ITPKC: variants seen among roughly 807,000 people sequenced by gnomAD.
ITPKC encodes IP3 3-kinase C.
In ITPKC, 33 loss-of-function variants were observed where a neutral mutation model predicts 67.1. The ratio of observed to expected loss-of-function variants is 0.49; its 90% CI spans 0.37 to 0.66. ITPKC has a LOEUF of 0.66. Ranked by LOEUF, ITPKC falls within the 30% of genes least tolerant of loss-of-function variation. The probability of loss-of-function intolerance (pLI) is 0.00; values close to 1 mark genes in which losing one functional copy is unlikely to be tolerated. For missense variants in ITPKC, 820 were observed against 892.1 expected, an observed-to-expected ratio of 0.92 and a Z score of 1.03; for synonymous variants, 341 against 359.8, an observed-to-expected ratio of 0.95 and a Z score of 0.59.
Position 40,725,328 on chromosome 19 carries a change from T to G in ITPKC, c.1156-12T>G. 1 of 1,596,374 alleles carries G rather than the reference T, an allele frequency of 6.3e-7. No individual in the cohort carries two copies. Among genetic ancestry groups the G allele is most frequent in the East Asian group, 2.2e-5 (1 of 44,768 alleles). ...CCTTGGCCCTGACCCCACCCTGCTCTGCTCCCTACAGAGCAAACCCTGGAA... is the reference window on the plus strand; with the variant it reads ...CCTTGGCCCTGACCCCACCCTGCTCGGCTCCCTACAGAGCAAACCCTGGAA... On this transcript the variant is annotated splice_polypyrimidine_tract_variant and intron_variant, in intron 1 of 6. Transcript: ENST00000263370.
intron 2 of ITPKC, 49 bp from the exon 3 acceptor site, chr19:40,729,153 C>G (rs770703385): frequency 6.7e-7 from 1 of 1,487,886 alleles, no homozygotes; most frequent in South Asian, 1.1e-5. Context: ...CGGAGAGGTT[C>G]TCTTCCTGAT....
intron 2 of ITPKC, among the ~76,000 whole-genome samples, chr19:40,725,672 C>A (rs560411725): frequency 6.6e-6 from 1 of 152,328 alleles, no homozygotes; most frequent in South Asian, 2.1e-4. Flanking sequence ...TGAGCTCAAA[C>A]CCTAGTTCTG....
At chr19:40,722,545 G>T (rs755708462) in intron 1 of ITPKC, among the ~76,000 whole-genome samples, 5 of 152,042 alleles carry the variant, frequency 3.3e-5, no homozygotes, top group Admixed American at 1.3e-4. Context: ...AGATGAACAC[G>T]TCCCTGATCC....
chr19:40,729,338 CCAG>C lies in ITPKC; in HGVS notation c.1393_1395del (p.Gln465del). The C allele has an allele frequency of 6.2e-7, 1 of 1,614,140 alleles. No homozygotes were observed. The highest frequency in any genetic ancestry group is 1.1e-5 in the South Asian group (1 of 91,058). On this transcript the variant is annotated inframe_deletion, in exon 3 of 7. Transcript: ENST00000263370. ...ACTATGGCATGGTGCTGCAGGATGGCCAGACCTTCAACCAGATGGAAGACCTCC... is the reference window on the plus strand; with the variant it reads ...ACTATGGCATGGTGCTGCAGGATGGCACCTTCAACCAGATGGAAGACCTCC...
chr19:40,733,075 G>T, intron 3 of ITPKC, 85 bp from the exon 4 acceptor site: 1 of 1,163,306 alleles, frequency 8.6e-7, no homozygotes, highest in Non-Finnish European at 1.3e-6. Flanking sequence ...GTGCCACACT[G>T]TGGCTTTATG....
chr19:40,729,153 C>A, intron 2 of ITPKC, 49 bp from the exon 3 acceptor site: 1 of 1,487,886 alleles, frequency 6.7e-7, no homozygotes, highest in Non-Finnish European at 9.4e-7. Context: ...CGGAGAGGTT[C>A]TCTTCCTGAT....
intron 2 of ITPKC, among the ~76,000 whole-genome samples, chr19:40,727,754 G>A (rs979309027): frequency 2.0e-5 from 3 of 152,218 alleles, no homozygotes; most frequent in Admixed American, 6.5e-5. Flanking sequence ...GCCAACAGAA[G>A]TCATGCAGTA....
chr19:40,722,871 G>A (rs1401484951), intron 1 of ITPKC, among the ~76,000 whole-genome samples: 2 of 152,112 alleles, frequency 1.3e-5, no homozygotes, highest in African/African-American at 4.8e-5. Flanking sequence ...CACCCTCCAG[G>A]GCTCAAGTGA....
At chr19:40,725,471 A>G (rs368771768) in intron 2 of ITPKC, 32 bp downstream of exon 2, 21 of 1,419,418 alleles carry the variant, frequency 1.5e-5, no homozygotes, top group African/African-American at 2.8e-5. Flanking sequence ...AGAGCTGGGC[A>G]GAGTCTCCTG....
rs767052439 is a variant in ITPKC at position 40,739,387 on chromosome 19, G to T, written c.1879G>T (p.Asp627Tyr). 3.1e-6 allele frequency: 5 copies of T among 1,613,698 alleles called. No individual in the cohort carries two copies. The highest frequency in any genetic ancestry group is 4.2e-6 in the Non-Finnish European group (5 of 1,180,026). Residue 627 changes from aspartate (D) to tyrosine (Y), a missense_variant, in exon 7 of 7, where the codon GAC becomes TAC. Asp to Tyr is a radical substitution (Grantham distance 160). This residue lies in a region of ITPKC where 339 missense variants were observed against 422.0 expected (regional missense o/e 0.80). Coordinates refer to ENST00000263370, the MANE Select transcript of ITPKC (RefSeq NM_025194.3). ...AGGCAGCTCCCTCCTCTTCGTGCAC[G>T]ACCACACCGGCCTGGCCAAGGTCTG... Reference protein sequence around the residue: ...VVGSSLLFVHDHTGLAKVWMI... With the variant: ...VVGSSLLFVHYHTGLAKVWMI...
At chr19:40,726,290 A>G (rs2082246289) in intron 2 of ITPKC, among the ~76,000 whole-genome samples, 1 of 151,512 alleles carries the variant, frequency 6.6e-6, no homozygotes, top group African/African-American at 2.4e-5. Context: ...GGAAATGATC[A>G]CTCCTTGCCT....
At position 40,733,346 on chromosome 19, in the gene ITPKC, C is replaced by T. The variant is rs141373108; in HGVS notation, c.1656C>T (p.Phe552=). 2.1e-3 allele frequency: 3,321 copies of T among 1,611,012 alleles called. 4 individuals carry two copies. Among genetic ancestry groups the T allele is most frequent in the Non-Finnish European group, 2.5e-3 (2,976 of 1,178,552 alleles). The change falls in exon 4 of 7, where the codon TTC becomes TTT. Residue 552 remains phenylalanine (F), a synonymous_variant. Transcript: ENST00000263370. The part of the protein sequence containing the change: ...ETMSSTSTLG[F]RIEGIKKADG... ...TGAGCTCCACCTCTACCCTGGGCTT[C>T]CGGATCGAGGGCATCAAGGTGAGGA... is the stretch of plus-strand genomic sequence containing the variant.
intron 1 of ITPKC, among the ~76,000 whole-genome samples, chr19:40,721,156 C>T (rs1264042824): frequency 6.6e-6 from 1 of 151,990 alleles, no homozygotes; most frequent in East Asian, 1.9e-4. Context: ...GTGACCAAGA[C>T]ACTCATGGAG....
intron 3 of ITPKC, among the ~76,000 whole-genome samples, chr19:40,731,042 G>A (rs2082268392): frequency 1.3e-5 from 2 of 152,208 alleles, no homozygotes; most frequent in East Asian, 1.9e-4. Flanking sequence ...CCAAGTTGGA[G>A]TTCCCATGTC....
In ITPKC at chr19:40,718,153, G is replaced by C. The variant is rs751885637; in HGVS notation, c.1018G>C (p.Glu340Gln). The stretch of plus-strand genomic sequence containing the variant: ...CATTACCCCTGAGACCCCTGAGCCT[G>C]AGGCCCAGCCAGTGGGACCCCCCTC... ...LIITPETPEPEAQPVGPPSRV... is the reference protein window; with the variant it reads ...LIITPETPEPQAQPVGPPSRV... The change falls in exon 1 of 7, where the codon GAG becomes CAG. Residue 340 changes from glutamate (E) to glutamine (Q), a missense_variant. Glu to Gln is a conservative substitution (Grantham distance 29, BLOSUM62 2). Transcript: ENST00000263370. 16 of 1,602,560 alleles carry C rather than the reference G, an allele frequency of 1.0e-5. 1 individual carries two copies. The South Asian group carries it at 1.4e-4, about 14-fold the overall frequency.
At position 40,739,693 on chromosome 19, in the gene ITPKC, C is replaced by T; in HGVS notation, c.*133C>T. 1 of 745,238 alleles carries T rather than the reference C, an allele frequency of 1.3e-6. No individual in the cohort carries two copies. Among genetic ancestry groups the T allele is most frequent in the Non-Finnish European group, 2.2e-6 (1 of 463,518 alleles). 46.2% of individuals were successfully genotyped at this position (745,238 alleles called of 1,614,324 possible). A position where few individuals can be genotyped will look rare whatever the true frequency, so the allele number is the denominator to read the frequency against. On this transcript the variant is annotated 3_prime_UTR_variant, in exon 7 of 7. Coordinates refer to ENST00000263370, the MANE Select transcript of ITPKC (RefSeq NM_025194.3). ...ACGGGAGAGATTGTGTCATGTGCCA[C>T]ACGAGACCAACGTGGAAAAGTCTGA...
chr19:40,722,973 A>AT, intron 1 of ITPKC, among the ~76,000 whole-genome samples: 1 of 149,516 alleles, frequency 6.7e-6, no homozygotes, highest in East Asian at 2.0e-4. Context: ...TTATTTATTT[A>AT]TTTTTTGAGA....
chr19:40,734,742 G>A (rs540175946), intron 4 of ITPKC, among the ~76,000 whole-genome samples: 1 of 147,568 alleles, frequency 6.8e-6, no homozygotes, highest in South Asian at 2.1e-4. Context: ...CTGACTTGAC[G>A]TGATTACTGG....
intron 4 of ITPKC, among the ~76,000 whole-genome samples, chr19:40,735,972 A>T (rs2082292405): frequency 6.6e-6 from 1 of 152,198 alleles, no homozygotes; most frequent in Non-Finnish European, 1.5e-5. Flanking sequence ...AGGCAGCTGA[A>T]ATGACTTAAG....
Sources: gnomAD v4.1 joint callset for allele counts (sites outside exome capture counted in the v4.1 genomes callset) on GRCh38, gnomAD v4.1.1 for gene constraint, gnomAD v4.1.1 regional missense constraint, MANE v1.5 for transcripts, NCBI Gene and HGNC (gene_info 2026-07-23, HGNC 2026-07-21) for gene names.